DDHD2: variants seen among roughly 807,000 people sequenced by gnomAD.
The protein encoded by DDHD2 is DDHD domain containing 2.
DDHD2 carries 62 observed loss-of-function variants against 91.2 expected under a neutral mutation model. That is an observed-to-expected ratio of 0.68 (90% CI 0.55 to 0.84). The LOEUF (loss-of-function observed/expected upper bound fraction) is 0.84. DDHD2 is among the 40% of genes least tolerant of loss of function. The pLI is 0.00. For synonymous variants in DDHD2, 271 were observed against 293.9 expected (o/e 0.92, Z 0.80); for missense variants, 740 against 846.9 (o/e 0.87, Z 1.57).
chr8:38,263,871 G>T, downstream of DDHD2: 1 of 985,254 alleles, frequency 1.0e-6, no homozygotes, highest in South Asian at 4.7e-5. Flanking sequence ...AAACACTGTA[G>T]ATCTTCAGAT....
intron 5 of DDHD2, among the ~76,000 whole-genome samples, chr8:38,239,636 A>G: frequency 7.2e-6 from 1 of 138,624 alleles, no homozygotes; most frequent in Admixed American, 7.1e-5. Flanking sequence ...GCAGTGAGCC[A>G]AGATCGTGCC....
downstream of DDHD2, chr8:38,263,114 A>T (rs752381195): frequency 1.1e-4 from 17 of 152,586 alleles, no homozygotes; most frequent in African/African-American, 1.7e-4. Context: ...ATATTTAAAA[A>T]AGCACACATT....
At position 38,233,065 on chromosome 8, in the gene DDHD2, G is replaced by A; in HGVS notation, c.71G>A (p.Ser24Asn). 1.9e-6 allele frequency: 3 copies of A among 1,614,178 alleles called. No individual in the cohort carries two copies. Among genetic ancestry groups the A allele is most frequent in the Non-Finnish European group, 2.5e-6 (3 of 1,180,036 alleles). ...CCATCTCCGTCACCAAACTCATGTA[G>A]TTCCTTTGAGCTAATAGACATGGAT... is the stretch of plus-strand genomic sequence containing the variant. The part of the protein sequence containing the change: ...SDPSPSPNSC[S>N]SFELIDMDAG... The change falls in exon 2 of 18, where the codon AGT (serine) becomes AAT (asparagine). Residue 24 changes from serine to asparagine, a missense_variant. Coordinates refer to ENST00000397166, the MANE Select transcript of DDHD2 (RefSeq NM_015214.3).
chr8:38,269,332 C>T lies in DDHD2; in HGVS notation n.88-1790C>T. On this transcript the variant is annotated intron_variant and non_coding_transcript_variant, in intron 1 of 1. Transcript: ENST00000526071. ...GCTCCCCAGGAAGACGGCCTGGCGG[C>T]TGTGCCGAGGGCATCGTCTGGCAAA... 3.1e-6 allele frequency: 3 copies of T among 967,958 alleles called. 1 individual carries two copies. The South Asian group carries it at 6.4e-5, about 21-fold the overall frequency. The allele number at this position is 967,958 out of a possible 1,614,324, so 60.0% of individuals were successfully genotyped here. A position where few individuals can be genotyped will look rare whatever the true frequency, so the allele number is the denominator to read the frequency against.
At chr8:38,264,249 G>C, downstream of DDHD2, 1 of 760,000 alleles carries the variant, frequency 1.3e-6, no homozygotes, top group Non-Finnish European at 1.8e-6. Context: ...CCAGGTTCAA[G>C]CAATTCTCCT....
intron 3 of DDHD2, among the ~76,000 whole-genome samples, chr8:38,236,537 C>T (rs1412848460): frequency 5.4e-5 from 8 of 149,332 alleles, no homozygotes; most frequent in Admixed American, 1.3e-4. Flanking sequence ...TTTTTTGAGA[C>T]GGAGTTCCAC....
chr8:38,267,506 A>G (rs1237462005), downstream of DDHD2: 7 of 1,263,766 alleles, frequency 5.5e-6, no homozygotes, highest in Non-Finnish European at 6.5e-6. Context: ...CCCAGGCAAA[A>G]TAAGGTAACT....
intron 10 of DDHD2, among the ~76,000 whole-genome samples, chr8:38,248,908 G>C (rs1805874742): frequency 7.1e-6 from 1 of 140,188 alleles, no homozygotes; most frequent in Non-Finnish European, 1.5e-5. Flanking sequence ...TCACACCACT[G>C]CACTCCAGCC....
downstream of DDHD2, chr8:38,264,883 A>G (rs1483498201): frequency 2.5e-6 from 4 of 1,611,654 alleles, no homozygotes; most frequent in African/African-American, 1.3e-5. Flanking sequence ...GAATTTTTCT[A>G]ACTCAGAAGA....
chr8:38,248,018 T>A (rs1805780739), intron 10 of DDHD2, among the ~76,000 whole-genome samples, 183 bp downstream of exon 10: 1 of 152,170 alleles, frequency 6.6e-6, no homozygotes, highest in Non-Finnish European at 1.5e-5. Flanking sequence ...AGTTCAAAGG[T>A]CAGATGGCCA....
Position 38,251,842 on chromosome 8 carries a change from TGA to T in DDHD2, c.1345-68_1345-67del. 4.5e-6 allele frequency: 5 copies of T among 1,113,004 alleles called. No homozygotes were observed. The South Asian group carries it at 6.5e-5, about 14-fold the overall frequency. 68.9% of individuals were successfully genotyped at this position (1,113,004 alleles called of 1,614,324 possible). A position where few individuals can be genotyped will look rare whatever the true frequency, so the allele number is the denominator to read the frequency against. On this transcript the variant is annotated intron_variant, in intron 11 of 17. Coordinates refer to ENST00000397166, the MANE Select transcript of DDHD2 (RefSeq NM_015214.3). Reference sequence around the variant, plus strand: ...TACCTACCTACCTACCTCAGGGTCCTGAGTAGCTGGGACTACAGGTGCATGCC... The same window carrying T: ...TACCTACCTACCTACCTCAGGGTCCTGTAGCTGGGACTACAGGTGCATGCC...
downstream of DDHD2, chr8:38,264,962 A>G (rs1424327146): frequency 6.3e-7 from 1 of 1,584,590 alleles, no homozygotes. Flanking sequence ...AGAGGAAGGA[A>G]TAAAGTATTT....
At position 38,252,766 on chromosome 8, in the gene DDHD2, A is replaced by G. The variant is rs929696583; in HGVS notation, c.1662A>G (p.Gly554=). Residue 554 remains glycine (G), a synonymous_variant, in exon 14 of 18, where the codon GGA becomes GGG. Transcript: ENST00000397166. The stretch of plus-strand genomic sequence containing the variant: ...GGATTGAACCAATGGTGGTCCCAGG[A>G]GTGGAATTTGAGCCAATGCTGATCC... The part of the protein sequence containing the change: ...AYRIEPMVVP[G]VEFEPMLIPH... The G allele has an allele frequency of 2.0e-5, 33 of 1,613,860 alleles. No individual in the cohort carries two copies. Among genetic ancestry groups the G allele is most frequent in the Middle Eastern group, 1.6e-4 (1 of 6,084 alleles).
At chr8:38,264,470 C>CA, downstream of DDHD2, 4 of 1,550,732 alleles carry the variant, frequency 2.6e-6, no homozygotes, top group Non-Finnish European at 3.5e-6. Context: ...TAAGAATCCC[C>CA]AGGCTTCTGT....
At chr8:38,251,804 G>A in intron 11 of DDHD2, 108 bp from the exon 12 acceptor site, 1 of 717,318 alleles carries the variant, frequency 1.4e-6, no homozygotes, top group Non-Finnish European at 2.4e-6. Context: ...GAACTCTTGG[G>A]CTTAAACAAT....
At position 38,252,782 on chromosome 8, in the gene DDHD2, A is replaced by T. The variant is rs773731319; in HGVS notation, c.1678A>T (p.Met560Leu). 2 of 1,614,114 alleles carry T rather than the reference A, an allele frequency of 1.2e-6. No individual in the cohort carries two copies. Among genetic ancestry groups the T allele is most frequent in the South Asian group, 1.1e-5 (1 of 91,078 alleles). The change falls in exon 14 of 18, where the codon ATG (methionine) becomes TTG (leucine). Residue 560 changes from methionine to leucine, a missense_variant. Around this residue, in one of 2 missense-constraint regions of DDHD2, gnomAD observed 693 missense variants for 764.2 expected, o/e 0.91. Coordinates refer to ENST00000397166, the MANE Select transcript of DDHD2 (RefSeq NM_015214.3). ...MVVPGVEFEP[M>L]LIPHHKGRKR... ...GGTCCCAGGAGTGGAATTTGAGCCA[A>T]TGCTGATCCCACATCATAAAGGCAG... is the stretch of plus-strand genomic sequence containing the variant.
intron 1 of DDHD2, chr8:38,268,366 C>T: frequency 4.5e-6 from 7 of 1,562,960 alleles, no homozygotes; most frequent in Non-Finnish European, 6.1e-6. Context: ...AGGGCTAGCG[C>T]TCACCCAGGC....
At chr8:38,266,162 C>G (rs370460769), downstream of DDHD2, 53 of 1,613,822 alleles carry the variant, frequency 3.3e-5, no homozygotes, top group Middle Eastern at 1.6e-4. Context: ...TGCTTGTAGT[C>G]ACATGTGCGG....
chr8:38,272,755 T>C (rs1237225707), downstream of DDHD2: 1 of 152,210 alleles, frequency 6.6e-6, no homozygotes, highest in Admixed American at 6.5e-5. Context: ...TGACCACATA[T>C]AGATTTAAAA....
Sources: gnomAD v4.1 joint callset for allele counts (sites outside exome capture counted in the v4.1 genomes callset) on GRCh38, gnomAD v4.1.1 for gene constraint, gnomAD v4.1.1 regional missense constraint, MANE v1.5 for transcripts, NCBI Gene and HGNC (gene_info 2026-07-23, HGNC 2026-07-21) for gene names.